STX8: variants seen among roughly 807,000 people sequenced by gnomAD.
The protein encoded by STX8 is syntaxin 8.
In STX8, 23 loss-of-function variants were observed where a neutral mutation model predicts 37.5. The ratio of observed to expected loss-of-function variants is 0.61; its 90% confidence interval spans 0.44 to 0.87. The LOEUF is 0.87. STX8 is among the 40% of genes least tolerant of loss of function. The pLI, the probability that STX8 is intolerant of heterozygous loss-of-function variation, is 0.00. For missense variants in STX8, 313 were observed against 284.7 expected (o/e 1.10, Z -0.71); for synonymous variants, 115 against 99.1 (o/e 1.16, Z -0.95).
chr17:9,387,543 T>A (rs548829293), intron 6 of STX8, among the ~76,000 whole-genome samples: 2 of 152,354 alleles, frequency 1.3e-5, no homozygotes, highest in South Asian at 4.1e-4. Flanking sequence ...TCCGCCCGCC[T>A]TGGCCTTCCA....
chr17:9,401,525 G>C (rs983880412), intron 6 of STX8, among the ~76,000 whole-genome samples: 1 of 152,152 alleles, frequency 6.6e-6, no homozygotes, highest in Non-Finnish European at 1.5e-5. Flanking sequence ...ACTTGTCCAA[G>C]TTACCTCACT....
In STX8 at chr17:9,553,023, A is replaced by G. The variant is rs559420260; in HGVS notation, c.212+4411T>C. On this transcript the variant is annotated intron_variant, in intron 3 of 7. Coordinates refer to ENST00000306357, the MANE Select transcript of STX8 (RefSeq NM_004853.3). ...TGACATCAAACCCCTCTGTAAAGAG[A>G]TTTTCTTTATTCTCTTTAAAATAAG... 3.3e-5 allele frequency: 5 copies of G among 152,212 alleles called. No homozygotes were observed. In the South Asian group the frequency reaches 1.0e-3, roughly 32 times the overall value. The allele number at this position is 152,212 out of a possible 1,614,324, so 9.4% of individuals were successfully genotyped here.
intron 7 of STX8, among the ~76,000 whole-genome samples, chr17:9,345,919 T>C (rs1277422458): frequency 7.4e-6 from 1 of 134,764 alleles, no homozygotes; most frequent in Non-Finnish European, 1.5e-5. Context: ...TGGCACGGTC[T>C]CAGCTCACTG....
chr17:9,329,028 C>T (rs1909871916), intron 7 of STX8, among the ~76,000 whole-genome samples: 1 of 113,326 alleles, frequency 8.8e-6, no homozygotes, highest in South Asian at 2.9e-4. Flanking sequence ...TGAGCATGGG[C>T]GACAAGAGCG....
chr17:9,458,360 A>G (rs1202949106), intron 6 of STX8, among the ~76,000 whole-genome samples: 18 of 152,174 alleles, frequency 1.2e-4, no homozygotes, highest in Admixed American at 1.0e-3. Flanking sequence ...CGTGTCAGCC[A>G]GGATGGTGTC....
At chr17:9,486,292 T>A (rs1309319354) in intron 6 of STX8, among the ~76,000 whole-genome samples, 1 of 152,148 alleles carries the variant, frequency 6.6e-6, no homozygotes, top group African/African-American at 2.4e-5. Context: ...TGGGACATTT[T>A]ATGCTTCCAG....
At chr17:9,387,135 G>A (rs532956375) in intron 6 of STX8, among the ~76,000 whole-genome samples, 11 of 152,198 alleles carry the variant, frequency 7.2e-5, no homozygotes, top group South Asian at 2.1e-4. Context: ...TTTAGCAAAC[G>A]CTCAAAGGAA....
chr17:9,529,212 A>G (rs1416731306), intron 4 of STX8, among the ~76,000 whole-genome samples: 3 of 151,976 alleles, frequency 2.0e-5, no homozygotes, highest in Admixed American at 2.0e-4. Flanking sequence ...GTTGACTTAC[A>G]TCTCCATCTT....
chr17:9,386,294 C>G (rs548383907), intron 6 of STX8, among the ~76,000 whole-genome samples: 1 of 152,226 alleles, frequency 6.6e-6, no homozygotes, highest in South Asian at 2.1e-4. Flanking sequence ...CTGTCTAAAT[C>G]TCAAAAAGTT....
chr17:9,554,904 CAAAA>C lies in STX8; in HGVS notation c.212+2526_212+2529del, dbSNP rs34545907. On this transcript the variant is annotated intron_variant, in intron 3 of 7. Transcript: ENST00000306357. ...TGGGCGACAGAGCAAGACTCCATCTCAAAAAAAAAAAAAAAAAAAAAGTTGGCCT... is the reference window on the plus strand; with the variant it reads ...TGGGCGACAGAGCAAGACTCCATCTCAAAAAAAAAAAAAAAAAGTTGGCCT... 0.012 allele frequency: 648 copies of C among 55,538 alleles called. 34 individuals carry two copies. The East Asian group carries it at 0.25, about 22-fold the overall frequency. 3.4% of individuals were successfully genotyped at this position (55,538 alleles called of 1,614,324 possible).
intron 6 of STX8, among the ~76,000 whole-genome samples, chr17:9,431,027 G>GTT (rs1913946916): frequency 8.1e-6 from 1 of 123,238 alleles, no homozygotes; most frequent in South Asian, 2.7e-4. Flanking sequence ...TTGTTGTTTT[G>GTT]GTTTTTTTTT....
intron 3 of STX8, among the ~76,000 whole-genome samples, chr17:9,555,907 A>T (rs1467749700): frequency 2.0e-5 from 3 of 152,046 alleles, no homozygotes; most frequent in African/African-American, 7.2e-5. Context: ...AAAAAAAAAA[A>T]AAAAATTAGC....
chr17:9,520,925 G>A (rs1905317317), intron 4 of STX8, among the ~76,000 whole-genome samples: 1 of 152,200 alleles, frequency 6.6e-6, no homozygotes, highest in African/African-American at 2.4e-5. Flanking sequence ...ACCACAGGGA[G>A]GTTTGCAGTT....
intron 3 of STX8, among the ~76,000 whole-genome samples, chr17:9,547,119 G>T (rs1906559296): frequency 6.6e-6 from 1 of 151,432 alleles, no homozygotes; most frequent in East Asian, 2.0e-4. Flanking sequence ...GTGGTGGCGT[G>T]CGCCTGTAGT....
rs60856219 is a variant in STX8, at chr17:9,559,760, A to ATTTT, written c.118-2236_118-2233dup. 6.6e-3 allele frequency among the ~76,000 whole-genome samples: 161 copies of ATTTT among 24,486 alleles called. 7 individuals carry two copies. Among genetic ancestry groups the ATTTT allele is most frequent in the Non-Finnish European group, 6.7e-3 (108 of 16,054 alleles). The allele number at this position is 24,486 out of a possible 152,430, so 16.1% of individuals were successfully genotyped here. On this transcript the variant is annotated intron_variant, in intron 2 of 7. Coordinates refer to ENST00000306357, the MANE Select transcript of STX8 (RefSeq NM_004853.3). ...TATATATATATATATATATATATATATTTTTTTTTTTTTTTTTTTTGAGAC... is the reference window on the plus strand; with the variant it reads ...TATATATATATATATATATATATATATTTTTTTTTTTTTTTTTTTTTTTTGAGAC...
intron 4 of STX8, among the ~76,000 whole-genome samples, chr17:9,513,905 T>C (rs1323253914): frequency 6.6e-6 from 1 of 152,166 alleles, no homozygotes; most frequent in Non-Finnish European, 1.5e-5. Context: ...TTATATTAAG[T>C]AAAATAAGCC....
At chr17:9,339,790 G>T (rs1910276687) in intron 7 of STX8, among the ~76,000 whole-genome samples, 1 of 152,166 alleles carries the variant, frequency 6.6e-6, no homozygotes. Flanking sequence ...GACAAGACTG[G>T]AATCAAACTT....
intron 4 of STX8, among the ~76,000 whole-genome samples, chr17:9,516,327 A>ATATATATATATATC (rs1905159279): frequency 8.0e-6 from 1 of 125,170 alleles, no homozygotes; most frequent in Non-Finnish European, 1.6e-5. Flanking sequence ...ATATATATAT[A>ATATATATATATATC]TATATATATA....
intron 6 of STX8, among the ~76,000 whole-genome samples, chr17:9,476,003 AC>A (rs1438516036): frequency 3.3e-5 from 5 of 152,164 alleles, no homozygotes; most frequent in Admixed American, 6.5e-5. Flanking sequence ...ACATGGTGAA[AC>A]CCCATCTCTA....
Sources: allele counts gnomAD v4.1 joint callset (sites outside exome capture counted in the v4.1 genomes callset), GRCh38; gene constraint gnomAD v4.1.1; transcripts MANE v1.5; gene names NCBI Gene and HGNC (gene_info 2026-07-23, HGNC 2026-07-21).